The following GPAT3 variants were observed in gnomAD, a reference collection of about 807,000 sequenced individuals.
GPAT3 encodes 1-AGP acyltransferase 9.
In GPAT3, 53 loss-of-function variants were observed where a neutral mutation model predicts 58.8. The ratio of observed to expected loss-of-function variants is 0.90; its 90% CI spans 0.72 to 1.13. The LOEUF (loss-of-function observed/expected upper bound fraction) is 1.13, where lower values mean the gene tolerates loss of function less well. Among genes scored for constraint, GPAT3 ranks in the 50% most tolerant of loss-of-function variants. GPAT3 has a pLI of 0.00. For synonymous variants in GPAT3, 197 were observed against 187.4 expected (o/e 1.05, Z -0.42); for missense variants, 511 against 527.6 (o/e 0.97, Z 0.31).
intron 2 of GPAT3, among the ~76,000 whole-genome samples, chr4:83,578,813 A>G (rs900209534): frequency 6.6e-6 from 1 of 151,528 alleles, no homozygotes; most frequent in Non-Finnish European, 1.5e-5. Flanking sequence ...CTTAGACTTG[A>G]CTTCTGAAAA....
Position 83,604,797 on chromosome 4 carries a change from A to G in GPAT3, c.*30A>G. 6.5e-7 allele frequency: 1 copy of G among 1,549,470 alleles called. No individual in the cohort carries two copies. Among genetic ancestry groups the G allele is most frequent in the Non-Finnish European group, 8.8e-7 (1 of 1,131,598 alleles). ...ACGGATGACAGCCTTTAGATCTAGAACTAGCCCTTAGAAATGGAATGGCTT... is the reference window on the plus strand; with the variant it reads ...ACGGATGACAGCCTTTAGATCTAGAGCTAGCCCTTAGAAATGGAATGGCTT... On this transcript the variant is annotated 3_prime_UTR_variant, in exon 12 of 12. Transcript: ENST00000264409.
intron 11 of GPAT3, among the ~76,000 whole-genome samples, chr4:83,603,512 C>T (rs992331141): frequency 2.0e-5 from 3 of 152,100 alleles, no homozygotes; most frequent in Non-Finnish European, 2.9e-5. Flanking sequence ...CTTGTTAGAC[C>T]GGGCACGGTG....
In GPAT3 at chr4:83,578,920, CT is replaced by C. The variant is rs1183697760; in HGVS notation, c.209-2638del. ...CTCTTTCTTTTCTTTTTTCTTTTTT[CT>C]TTTCTTTCTTTCTTTCTTTTCTTTT... On this transcript the variant is annotated intron_variant, in intron 2 of 11. Coordinates refer to ENST00000264409, the MANE Select transcript of GPAT3 (RefSeq NM_032717.5). 5.2e-4 allele frequency among the ~76,000 whole-genome samples: 17 copies of C among 32,688 alleles called. No homozygotes were observed. The South Asian group carries it at 0.012, about 23-fold the overall frequency. 21.4% of individuals were successfully genotyped at this position (32,688 alleles called of 152,430 possible).
At chr4:83,540,503 A>G (rs1724259568) in intron 1 of GPAT3, among the ~76,000 whole-genome samples, 1 of 152,140 alleles carries the variant, frequency 6.6e-6, no homozygotes, top group Non-Finnish European at 1.5e-5. Flanking sequence ...TAAAAGAGAA[A>G]TAGCTATTTA....
chr4:83,570,009 T>C (rs1725543100), intron 2 of GPAT3, among the ~76,000 whole-genome samples: 1 of 152,204 alleles, frequency 6.6e-6, no homozygotes, highest in South Asian at 2.1e-4. Flanking sequence ...TAGGAAGAGC[T>C]GCTACTCAGG....
chr4:83,550,270 C>T (rs1724706107), intron 2 of GPAT3, among the ~76,000 whole-genome samples: 1 of 151,974 alleles, frequency 6.6e-6, no homozygotes, highest in African/African-American at 2.4e-5. Flanking sequence ...TGGGCTCAAG[C>T]AATCCATCTG....
chr4:83,564,369 G>A (rs539662030), intron 2 of GPAT3, among the ~76,000 whole-genome samples: 1 of 152,142 alleles, frequency 6.6e-6, no homozygotes, highest in East Asian at 1.9e-4. Context: ...ATTCTGTCAG[G>A]CTATCCTGTT....
chr4:83,583,324 G>T (rs1726236087), intron 3 of GPAT3, among the ~76,000 whole-genome samples: 1 of 151,522 alleles, frequency 6.6e-6, no homozygotes, highest in Non-Finnish European at 1.5e-5. Context: ...AAGAAAAAAA[G>T]CTTCTGTTCG....
At chr4:83,549,444 CGTGTGTGTGT>C (rs142294690) in intron 2 of GPAT3, among the ~76,000 whole-genome samples, 7 of 145,808 alleles carry the variant, frequency 4.8e-5, no homozygotes, top group African/African-American at 1.8e-4. Context: ...TTTTATTTTG[CGTGTGTGTGT>C]GTGTGTGTGT....
chr4:83,586,940 A>T (rs1726395691), intron 3 of GPAT3, among the ~76,000 whole-genome samples: 1 of 152,178 alleles, frequency 6.6e-6, no homozygotes, highest in African/African-American at 2.4e-5. Context: ...TTAACTTGAT[A>T]GTTTTGTGAA....
rs1039370691 is a variant in GPAT3 at position 83,594,890 on chromosome 4, A to G, written c.784A>G (p.Met262Val). 5 of 1,614,006 alleles carry G rather than the reference A, an allele frequency of 3.1e-6. No homozygotes were observed. The highest frequency in any genetic ancestry group is 1.7e-4 in the Middle Eastern group (1 of 6,056). The change falls in exon 7 of 12, where the codon ATG becomes GTG. Residue 262 changes from methionine to valine, a missense_variant. Met to Val is a conservative substitution (Grantham distance 21). Coordinates refer to ENST00000264409, the MANE Select transcript of GPAT3 (RefSeq NM_032717.5). ...GGLMGIIQRA[M>V]VKACPHVWFE... is the part of the protein sequence containing the mutation. ...CTTGATGGGAATTATTCAGAGAGCT[A>G]TGGTCAAGGCTTGTCCTCATGTCTG...
intron 2 of GPAT3, among the ~76,000 whole-genome samples, chr4:83,579,081 CCCTTCCTTCCTTCCTT>C (rs778000097): frequency 2.0e-4 from 4 of 19,670 alleles, no homozygotes; most frequent in Admixed American, 7.2e-4. Context: ...TTTCTTTCTT[CCCTTCCTTCCTTCCTT>C]CCTTCCTTCC....
intron 2 of GPAT3, among the ~76,000 whole-genome samples, chr4:83,554,457 A>T (rs1159785307): frequency 6.6e-6 from 1 of 152,020 alleles, no homozygotes; most frequent in African/African-American, 2.4e-5. Flanking sequence ...CAAAACTCCA[A>T]AGCTTCTTTA....
In GPAT3 at chr4:83,544,517, AT is replaced by A; in HGVS notation, c.142-16del. The A allele has an allele frequency of 6.2e-7, 1 of 1,612,182 alleles. No homozygotes were observed. The highest frequency in any genetic ancestry group is 8.5e-7 in the Non-Finnish European group (1 of 1,178,290). On this transcript the variant is annotated intron_variant, in intron 1 of 11. Transcript: ENST00000264409. Reference sequence around the variant, plus strand: ...TGTCTGTGGGACAGTTTAAATTAATATTTCTTGTTTTTGAACAGTGGGCCAC... The same window carrying A: ...TGTCTGTGGGACAGTTTAAATTAATATTCTTGTTTTTGAACAGTGGGCCAC...
chr4:83,598,329 C>G, intron 10 of GPAT3, 150 bp downstream of exon 10: 1 of 1,079,666 alleles, frequency 9.3e-7, no homozygotes, highest in Non-Finnish European at 1.3e-6. Flanking sequence ...CACTTTAAAT[C>G]AGACCATTTT....
At chr4:83,573,999 G>T (rs192941644) in intron 2 of GPAT3, among the ~76,000 whole-genome samples, 31 of 152,216 alleles carry the variant, frequency 2.0e-4, no homozygotes, top group Non-Finnish European at 2.9e-4. Flanking sequence ...ATTTCCTATA[G>T]AAACAGTGTT....
Position 83,597,688 on chromosome 4 carries a change from A to G in GPAT3, c.996+173A>G, listed in dbSNP as rs190879913. 5.3e-3 allele frequency among the ~76,000 whole-genome samples: 814 copies of G among 152,260 alleles called. 8 individuals carry two copies. Among genetic ancestry groups the G allele is most frequent in the African/African-American group, 0.019 (770 of 41,548 alleles). On this transcript the variant is annotated intron_variant, in intron 9 of 11. Transcript: ENST00000264409. ...GCTTTCTCATGTGCTCGCTCTCTAT[A>G]TGTAGATAGATGTATACTGGGTGAC...
intron 2 of GPAT3, among the ~76,000 whole-genome samples, chr4:83,571,442 T>C (rs72654973): frequency 6.7e-6 from 1 of 150,102 alleles, no homozygotes; most frequent in Non-Finnish European, 1.5e-5. Context: ...TTTGGCCTTT[T>C]AAAATTTTAG....
chr4:83,604,518 G>T, intron 11 of GPAT3, 150 bp from the exon 12 acceptor site: 1 of 530,084 alleles, frequency 1.9e-6, no homozygotes, highest in Non-Finnish European at 3.2e-6. Context: ...CTGAAACCTG[G>T]GTCTTCCTGT....
Sources: allele counts gnomAD v4.1 joint callset (sites outside exome capture counted in the v4.1 genomes callset), GRCh38; gene constraint gnomAD v4.1.1; transcripts MANE v1.5; gene names NCBI Gene and HGNC (gene_info 2026-07-23, HGNC 2026-07-21).